The following STIM1 variants were observed in gnomAD, a reference collection of about 807,000 sequenced individuals.
The protein encoded by STIM1 is stromal interaction molecule 1.
In STIM1, 25 loss-of-function variants were observed where a neutral mutation model predicts 74.7. That is an observed-to-expected ratio of 0.33 (90% confidence interval 0.24 to 0.47). The LOEUF (loss-of-function observed/expected upper bound fraction) is 0.47. Among genes scored for constraint, STIM1 ranks in the 20% least tolerant of loss-of-function variants. The pLI is 1.00. For synonymous variants in STIM1, 328 were observed against 348.8 expected (o/e 0.94, Z 0.66); for missense variants, 728 against 920.8 (o/e 0.79, Z 2.71).
intron 2 of STIM1, among the ~76,000 whole-genome samples, chr11:4,007,688 T>A (rs1475257617): frequency 6.6e-6 from 1 of 152,222 alleles, no homozygotes; most frequent in Non-Finnish European, 1.5e-5. Context: ...CCAATAATAA[T>A]CTCAATTAAT....
chr11:3,867,846 A>T (rs1273569931), intron 1 of STIM1, among the ~76,000 whole-genome samples: 1 of 140,244 alleles, frequency 7.1e-6, no homozygotes, highest in Admixed American at 7.2e-5. Context: ...TCTCACTGGC[A>T]GGCAGGCAGG....
intron 1 of STIM1, among the ~76,000 whole-genome samples, chr11:3,959,688 C>A (rs939110440): frequency 3.3e-5 from 5 of 152,098 alleles, no homozygotes; most frequent in Non-Finnish European, 7.4e-5. Context: ...GAGATTTGGG[C>A]AGGAGGGAAA....
chr11:3,946,752 A>C (rs1392384137), intron 1 of STIM1, among the ~76,000 whole-genome samples: 1 of 152,084 alleles, frequency 6.6e-6, no homozygotes, highest in Non-Finnish European at 1.5e-5. Flanking sequence ...AACACTACCC[A>C]CATCGCTCCA....
intron 2 of STIM1, among the ~76,000 whole-genome samples, chr11:4,000,081 G>A (rs1336379153): frequency 1.3e-5 from 2 of 152,132 alleles, no homozygotes; most frequent in Non-Finnish European, 2.9e-5. Context: ...AAGCAGCCGG[G>A]AAGCTTGAAC....
chr11:3,859,891 A>G (rs1382602292), intron 1 of STIM1, among the ~76,000 whole-genome samples: 1 of 152,210 alleles, frequency 6.6e-6, no homozygotes, highest in East Asian at 1.9e-4. Flanking sequence ...CTCAGCTTTG[A>G]CAATCACCCT....
chr11:3,866,615 C>T (rs1165299522), intron 1 of STIM1, among the ~76,000 whole-genome samples: 8 of 151,890 alleles, frequency 5.3e-5, no homozygotes, highest in Non-Finnish European at 7.4e-5. Context: ...TTAGTAGAGA[C>T]GGGGTTTCAC....
In STIM1 at chr11:3,973,002, A is replaced by G. The variant is rs569368342; in HGVS notation, c.270+5320A>G. The G allele has an allele frequency of 7.5e-4, 381 of 505,954 alleles. 9 individuals carry two copies. Among genetic ancestry groups the G allele is most frequent in the South Asian group, 5.4e-3 (375 of 69,966 alleles). 31.3% of individuals were successfully genotyped at this position (505,954 alleles called of 1,614,324 possible). On this transcript the variant is annotated intron_variant, in intron 2 of 12. Transcript: ENST00000526596. ...CAAAATTGCTTTCACTGCCACCAAC[A>G]AAGCTGCTTCTGCCTCCATCGTTGT...
chr11:4,014,738 A>G lies in STIM1; in HGVS notation c.271-9135A>G, dbSNP rs532082555. On this transcript the variant is annotated intron_variant, in intron 2 of 12. Transcript: ENST00000526596. ...GCTTTATGAATCTGGGTGCTCCTGT[A>G]TTGGGTGCATATATATTTAGGATAG... 8.7e-4 allele frequency among the ~76,000 whole-genome samples: 132 copies of G among 152,248 alleles called. 1 individual carries two copies. Among genetic ancestry groups the G allele is most frequent in the African/African-American group, 2.9e-3 (122 of 41,546 alleles).
intron 12 of STIM1, 86 bp from the exon 13 acceptor site, chr11:4,091,196 G>A (rs1311226370): frequency 2.5e-6 from 4 of 1,586,850 alleles, no homozygotes; most frequent in African/African-American, 1.3e-5. Context: ...TTGTCTTCTC[G>A]TGTTGTCCCT....
chr11:3,859,656 G>A (rs1045095486), intron 1 of STIM1, among the ~76,000 whole-genome samples: 3 of 152,228 alleles, frequency 2.0e-5, no homozygotes, highest in Admixed American at 1.3e-4. Flanking sequence ...CTGATGGAGT[G>A]GCAGGCCAGA....
At chr11:4,080,831 T>C (rs1218363250) in intron 7 of STIM1, among the ~76,000 whole-genome samples, 1 of 152,208 alleles carries the variant, frequency 6.6e-6, no homozygotes, top group Non-Finnish European at 1.5e-5. Flanking sequence ...ATGCTTCTAT[T>C]TGCTCTCTTT....
intron 1 of STIM1, among the ~76,000 whole-genome samples, chr11:3,916,890 T>A (rs1040239490): frequency 6.6e-6 from 1 of 152,238 alleles, no homozygotes; most frequent in Non-Finnish European, 1.5e-5. Flanking sequence ...TCCCAGCCAG[T>A]AATGATTTTT....
intron 6 of STIM1, among the ~76,000 whole-genome samples, chr11:4,072,573 C>A (rs2094410488): frequency 6.6e-6 from 1 of 152,148 alleles, no homozygotes; most frequent in African/African-American, 2.4e-5. Flanking sequence ...TTGCTCATTT[C>A]TACACCCAAC....
At chr11:3,991,169 C>CTTTTTTTTT (rs1246143538) in intron 2 of STIM1, among the ~76,000 whole-genome samples, 1 of 124,232 alleles carries the variant, frequency 8.0e-6, no homozygotes. Context: ...TCTTTCCTTT[C>CTTTTTTTTT]TTTTTTTTTT....
chr11:3,968,794 G>T (rs2093364110), intron 2 of STIM1, among the ~76,000 whole-genome samples: 1 of 152,146 alleles, frequency 6.6e-6, no homozygotes. Context: ...TGATAGTAAA[G>T]TGAAAACCAT....
chr11:3,857,262 G>GT (rs1317329375), intron 1 of STIM1, among the ~76,000 whole-genome samples: 3 of 151,394 alleles, frequency 2.0e-5, no homozygotes, highest in South Asian at 2.1e-4. Context: ...GTTTTGTTTT[G>GT]TTTTTTTGAG....
At chr11:3,948,438 A>C (rs1464181899) in intron 1 of STIM1, among the ~76,000 whole-genome samples, 5 of 152,166 alleles carry the variant, frequency 3.3e-5, no homozygotes, top group African/African-American at 1.2e-4. Flanking sequence ...TTTTACTTGA[A>C]TCTGTAGGCT....
Position 3,859,268 on chromosome 11 carries a change from C to T in STIM1, c.139+2859C>T, listed in dbSNP as rs74050916. Among the ~76,000 whole-genome samples, 963 of 152,332 alleles carry T rather than the reference C, an allele frequency of 6.3e-3. 14 individuals are homozygous for T. The highest frequency in any genetic ancestry group is 0.022 in the African/African-American group (923 of 41,584). On this transcript the variant is annotated intron_variant, in intron 1 of 12. Coordinates refer to ENST00000526596, the MANE Select transcript of STIM1 (RefSeq NM_001382567.1). ...TCCTGCAGTGAAGGCAGGTGCTCTA[C>T]AAGGAGGATCTCTCACTGGGCCGTG...
At position 4,048,741 on chromosome 11, in the gene STIM1, AT is replaced by A. The variant is rs887835125; in HGVS notation, c.386-6775del. Among the ~76,000 whole-genome samples the A allele has an allele frequency of 4.5e-3, 666 of 149,566 alleles. 3 individuals carry two copies. The highest frequency in any genetic ancestry group is 0.013 in the African/African-American group (538 of 40,922). Reference sequence around the variant, plus strand: ...ATAAAAATTATTATTATTATTATTAATTTTTTTTTTGAGACAGAGTCTCGCT... The same window carrying A: ...ATAAAAATTATTATTATTATTATTAATTTTTTTTTGAGACAGAGTCTCGCT... On this transcript the variant is annotated intron_variant, in intron 3 of 12. Transcript: ENST00000526596.
Sources: gnomAD v4.1 joint callset for allele counts (sites outside exome capture counted in the v4.1 genomes callset) on GRCh38, gnomAD v4.1.1 for gene constraint, MANE v1.5 for transcripts, NCBI Gene and HGNC (gene_info 2026-07-23, HGNC 2026-07-21) for gene names.